The following EMID1 variants were observed in gnomAD, a reference collection of about 807,000 sequenced individuals.
EMID1 encodes EMI domain-containing protein 1.
In EMID1, 40 loss-of-function variants were observed where a neutral mutation model predicts 60.6. The ratio of observed to expected loss-of-function variants is 0.66; its 90% CI spans 0.51 to 0.86. The LOEUF is 0.86. Ranked by LOEUF, EMID1 falls within the 40% of genes least tolerant of loss-of-function variation. The pLI is 0.00. For missense variants in EMID1, 585 were observed against 597.1 expected, an observed-to-expected ratio of 0.98 and a Z score of 0.21; for synonymous variants, 242 against 231.0, an observed-to-expected ratio of 1.05 and a Z score of -0.43.
chr22:29,235,079 G>T (rs1170425093), intron 12 of EMID1, among the ~76,000 whole-genome samples: 1 of 152,066 alleles, frequency 6.6e-6, no homozygotes, highest in Non-Finnish European at 1.5e-5. Flanking sequence ...CGGGCACGGT[G>T]GCTTACGCCT....
chr22:29,257,725 A>C (rs1343988132), intron 14 of EMID1, among the ~76,000 whole-genome samples: 2 of 152,232 alleles, frequency 1.3e-5, no homozygotes. Flanking sequence ...CACGGTAAAC[A>C]CATGTATCAC....
intron 1 of EMID1, among the ~76,000 whole-genome samples, chr22:29,213,378 C>T (rs577208771): frequency 6.6e-6 from 1 of 152,358 alleles, no homozygotes; most frequent in African/African-American, 2.4e-5. Flanking sequence ...TCTCCTGCTT[C>T]ATGGGCCAAA....
In EMID1 at chr22:29,232,356, G is replaced by T. The variant is rs747662850; in HGVS notation, c.777G>T (p.Gly259=). The change falls in exon 8 of 15, where the codon GGG becomes GGT. Residue 259 remains glycine, a synonymous_variant. Coordinates refer to ENST00000334018, the MANE Select transcript of EMID1 (RefSeq NM_133455.4). ...CACCAGGGCCTCCTGGCCCCCCTGG[G>T]CCCCCAGCCCCTGTTGGGCCACCCC... The part of the protein sequence containing the change: ...PGPPGPPGPP[G]PPAPVGPPHA... 5.6e-6 allele frequency: 9 copies of T among 1,605,006 alleles called. No homozygotes were observed. In the East Asian group the frequency reaches 8.9e-5, roughly 16 times the overall value.
chr22:29,231,712 C>G, intron 7 of EMID1, 30 bp downstream of exon 7: 1 of 1,436,202 alleles, frequency 7.0e-7, no homozygotes, highest in South Asian at 1.5e-5. Context: ...CCCCACAGCT[C>G]CTCTGGCCAT....
intron 14 of EMID1, chr22:29,255,202 C>CCCGGGG: frequency 3.7e-5 from 27 of 734,540 alleles, no homozygotes; most frequent in Non-Finnish European, 5.2e-5. Flanking sequence ...CCACCCTCCC[C>CCCGGGG]GCTTGGCTCC....
In EMID1 at chr22:29,216,525, T is replaced by G. The variant is rs2040088226; in HGVS notation, c.319+895T>G. 3.0e-6 allele frequency: 3 copies of G among 985,328 alleles called. No individual in the cohort carries two copies. The African/African-American group carries it at 5.2e-5, about 17-fold the overall frequency. 61.0% of individuals were successfully genotyped at this position (985,328 alleles called of 1,614,324 possible). A position where few individuals can be genotyped will look rare whatever the true frequency, so the allele number is the denominator to read the frequency against. On this transcript the variant is annotated intron_variant, in intron 3 of 14. Coordinates refer to ENST00000334018, the MANE Select transcript of EMID1 (RefSeq NM_133455.4). ...CATTCAGGGCCCCCACAGCAGCACA[T>G]GAACGTGAACATCAGTCTCAGGATA... is the stretch of plus-strand genomic sequence containing the variant.
intron 3 of EMID1, among the ~76,000 whole-genome samples, chr22:29,217,600 C>T (rs998529772): frequency 5.3e-5 from 8 of 152,218 alleles, no homozygotes; most frequent in Non-Finnish European, 8.8e-5. Context: ...GCAGCAGCCC[C>T]GGCTCGTCCA....
intron 3 of EMID1, among the ~76,000 whole-genome samples, chr22:29,221,138 G>T (rs2040282790): frequency 6.8e-6 from 1 of 147,406 alleles, no homozygotes; most frequent in African/African-American, 2.5e-5. Context: ...GCACGTGAGG[G>T]CCTCCCAGAT....
chr22:29,227,531 C>A (rs951977548), intron 5 of EMID1, among the ~76,000 whole-genome samples: 1 of 151,844 alleles, frequency 6.6e-6, no homozygotes, highest in African/African-American at 2.4e-5. Flanking sequence ...ATGGCATAAC[C>A]CTGTCTCTTT....
chr22:29,243,557 TC>T (rs2041225993), intron 13 of EMID1, 68 bp downstream of exon 13: 1 of 1,585,104 alleles, frequency 6.3e-7, no homozygotes. Flanking sequence ...GAGTATTCCC[TC>T]CCCAGGAGGC....
At chr22:29,253,876 G>T in intron 13 of EMID1, 2 of 984,840 alleles carry the variant, frequency 2.0e-6, no homozygotes, top group Non-Finnish European at 2.4e-6. Flanking sequence ...AGGGCTCCCA[G>T]CAGCTTCTGG....
At chr22:29,252,814 C>T (rs965365814) in intron 13 of EMID1, among the ~76,000 whole-genome samples, 4 of 152,122 alleles carry the variant, frequency 2.6e-5, no homozygotes, top group South Asian at 2.1e-4. Context: ...CTGAGGGTGA[C>T]GCATCAGGAT....
At position 29,227,449 on chromosome 22, in the gene EMID1, A is replaced by G. The variant is rs148760288; in HGVS notation, c.465+898A>G. On this transcript the variant is annotated intron_variant, in intron 5 of 14. Coordinates refer to ENST00000334018, the MANE Select transcript of EMID1 (RefSeq NM_133455.4). ...GCTTGGCGCAGCGGCTCACACCTGT[A>G]ATCTCCATACTTTAGGAGGCCGAGG... is the stretch of plus-strand genomic sequence containing the variant. Among the ~76,000 whole-genome samples, 947 of 151,904 alleles carry G rather than the reference A, an allele frequency of 6.2e-3. 35 individuals are homozygous for G. The East Asian group carries it at 0.1, about 16-fold the overall frequency.
chr22:29,218,434 G>C (rs1227263870), intron 3 of EMID1, among the ~76,000 whole-genome samples: 2 of 152,232 alleles, frequency 1.3e-5, no homozygotes, highest in African/African-American at 2.4e-5. Flanking sequence ...GCATTTTACA[G>C]ATGGAGAAAC....
intron 5 of EMID1, among the ~76,000 whole-genome samples, chr22:29,227,596 A>G (rs1162226766): frequency 6.6e-6 from 1 of 151,488 alleles, no homozygotes; most frequent in Non-Finnish European, 1.5e-5. Context: ...TCCCAGCTAC[A>G]AAGGAGGCTG....
intron 13 of EMID1, among the ~76,000 whole-genome samples, chr22:29,244,731 T>A (rs16987313): frequency 0.14 from 20,501 of 149,012 alleles, 1,647 homozygotes; most frequent in East Asian, 0.23. Context: ...GACCTAGAAA[T>A]CTACTCACCC....
chr22:29,232,343 C>T lies in EMID1; in HGVS notation c.764C>T (p.Pro255Leu). Residue 255 changes from proline (P) to leucine (L), a missense_variant, in exon 8 of 15, where the codon CCT (proline) becomes CTT (leucine). Coordinates refer to ENST00000334018, the MANE Select transcript of EMID1 (RefSeq NM_133455.4). ...GGACCTCCTGGGCCACCAGGGCCTC[C>T]TGGCCCCCCTGGGCCCCCAGCCCCT... ...ERGPPGPPGP[P>L]GPPGPPAPVG... The T allele has an allele frequency of 1.9e-6, 3 of 1,607,262 alleles. No homozygotes were observed. The highest frequency in any genetic ancestry group is 2.5e-6 in the Non-Finnish European group (3 of 1,177,478).
chr22:29,245,565 AG>A (rs1171516271), intron 13 of EMID1, among the ~76,000 whole-genome samples: 3 of 152,016 alleles, frequency 2.0e-5, no homozygotes, highest in Non-Finnish European at 2.9e-5. Flanking sequence ...GGCTGCATGA[AG>A]CTTTGGGGGC....
intron 13 of EMID1, among the ~76,000 whole-genome samples, chr22:29,247,470 C>T (rs543791012): frequency 6.6e-6 from 1 of 152,362 alleles, no homozygotes; most frequent in South Asian, 2.1e-4. Context: ...GCCTACAACA[C>T]ACCTCAGCTG....
Sources: allele counts gnomAD v4.1 joint callset (sites outside exome capture counted in the v4.1 genomes callset), GRCh38; gene constraint gnomAD v4.1.1; transcripts MANE v1.5; gene names NCBI Gene and HGNC (gene_info 2026-07-23, HGNC 2026-07-21).